The following CUX1 variants were observed in gnomAD, a reference collection of about 807,000 sequenced individuals.
CUX1 encodes cut like homeobox 1.
In CUX1, 31 loss-of-function variants were observed where a neutral mutation model predicts 158.8. That is an observed-to-expected ratio of 0.20 (90% CI 0.15 to 0.26). The LOEUF is 0.26. CUX1 is among the 10% of genes least tolerant of loss of function. The probability of loss-of-function intolerance (pLI) is 1.00; values close to 1 mark genes in which losing one functional copy is unlikely to be tolerated. For synonymous variants in CUX1, 879 were observed against 862.1 expected, an observed-to-expected ratio of 1.02 and a Z score of -0.34; for missense variants, 1,589 against 2,014.6, an observed-to-expected ratio of 0.79 and a Z score of 4.04.
intron 2 of CUX1, among the ~76,000 whole-genome samples, chr7:102,016,683 C>A (rs1818631875): frequency 6.6e-6 from 1 of 152,196 alleles, no homozygotes; most frequent in African/African-American, 2.4e-5. Context: ...TAAGTACTCC[C>A]CTGGTGTCGG....
chr7:101,824,940 A>G, intron 1 of CUX1, among the ~76,000 whole-genome samples: 1 of 152,178 alleles, frequency 6.6e-6, no homozygotes, highest in African/African-American at 2.4e-5. Flanking sequence ...TGTCACTCTG[A>G]AAGGTGTGGC....
chr7:101,992,066 T>C (rs935199081), intron 2 of CUX1, among the ~76,000 whole-genome samples: 7 of 152,244 alleles, frequency 4.6e-5, no homozygotes, highest in African/African-American at 1.7e-4. Context: ...TTTGTTTACA[T>C]GGGCCAAGTG....
chr7:101,879,379 A>G (rs1799482307), intron 1 of CUX1, among the ~76,000 whole-genome samples: 1 of 152,066 alleles, frequency 6.6e-6, no homozygotes, highest in Non-Finnish European at 1.5e-5. Context: ...ATTGCTTTGA[A>G]ATTGGAATGG....
chr7:101,880,469 C>T (rs1370336138), intron 1 of CUX1, among the ~76,000 whole-genome samples: 2 of 152,070 alleles, frequency 1.3e-5, no homozygotes, highest in South Asian at 2.1e-4. Flanking sequence ...TCAGAAATCA[C>T]GTTGGCTCCT....
At chr7:102,004,969 A>G (rs1372577198) in intron 2 of CUX1, among the ~76,000 whole-genome samples, 1 of 152,238 alleles carries the variant, frequency 6.6e-6, no homozygotes, top group Admixed American at 6.5e-5. Context: ...TTCTTAGCTC[A>G]TGGGCCATAA....
chr7:102,144,650 G>C (rs1554501472), intron 8 of CUX1, among the ~76,000 whole-genome samples: 1 of 120,650 alleles, frequency 8.3e-6, no homozygotes, highest in African/African-American at 3.4e-5. Context: ...CAGCCTGGGT[G>C]ACAAAGCAAG....
At chr7:102,187,826 CG>C (rs1554515747) in intron 11 of CUX1, among the ~76,000 whole-genome samples, 1 of 151,698 alleles carries the variant, frequency 6.6e-6, no homozygotes, top group Non-Finnish European at 1.5e-5. Context: ...TTTAAAACAT[CG>C]GGCAGGTTGG....
At chr7:102,102,943 G>C (rs1282978519) in intron 5 of CUX1, among the ~76,000 whole-genome samples, 2 of 152,062 alleles carry the variant, frequency 1.3e-5, no homozygotes, top group Admixed American at 1.3e-4. Flanking sequence ...ATCTGGAGGA[G>C]GGCGCAGGTG....
intron 2 of CUX1, among the ~76,000 whole-genome samples, chr7:101,988,708 G>A (rs764917136): frequency 5.3e-5 from 8 of 151,956 alleles, no homozygotes; most frequent in Non-Finnish European, 8.8e-5. Context: ...GTCCTGCGTC[G>A]GGATACCAGG....
chr7:102,180,668 A>T (rs1792943173), intron 11 of CUX1, among the ~76,000 whole-genome samples: 1 of 147,138 alleles, frequency 6.8e-6, no homozygotes, highest in African/African-American at 2.5e-5. Context: ...TTTCTTTTTG[A>T]CACATGACCA....
At chr7:101,817,226 G>A, upstream of CUX1, 1 of 984,716 alleles carries the variant, frequency 1.0e-6, no homozygotes, top group Non-Finnish European at 1.2e-6. This position sits in a 1 kb window ranked among gnomAD's most constrained non-coding sequence, Gnocchi z 4.1. Flanking sequence ...CCCGCCGCCG[G>A]TCCGAGCCGC....
chr7:102,111,570 G>A, intron 6 of CUX1, 128 bp from the exon 7 acceptor site: 1 of 784,472 alleles, frequency 1.3e-6, no homozygotes, highest in Non-Finnish European at 2.2e-6. Context: ...TGTCGTTGCG[G>A]GCGATACCCC....
At chr7:101,871,411 C>T (rs1342033312) in intron 1 of CUX1, among the ~76,000 whole-genome samples, 2 of 151,972 alleles carry the variant, frequency 1.3e-5, no homozygotes, top group African/African-American at 2.4e-5. Flanking sequence ...GCAGGGGGCC[C>T]TGTGTCCTGT....
At chr7:102,033,065 C>T (rs185537181) in intron 3 of CUX1, among the ~76,000 whole-genome samples, 2 of 152,256 alleles carry the variant, frequency 1.3e-5, no homozygotes, top group Admixed American at 6.5e-5. Context: ...GACAAGTGTC[C>T]TCAGGGAGGA....
chr7:102,110,686 G>A (rs1830795528), intron 6 of CUX1, among the ~76,000 whole-genome samples: 1 of 152,006 alleles, frequency 6.6e-6, no homozygotes, highest in Non-Finnish European at 1.5e-5. Flanking sequence ...TGTGTTATGT[G>A]TTTGCTTATA....
At position 101,924,466 on chromosome 7, in the gene CUX1, G is replaced by A. The variant is rs144838916; in HGVS notation, c.141+8241G>A. On this transcript the variant is annotated intron_variant, in intron 2 of 23. Coordinates refer to ENST00000292535, the MANE Select transcript of CUX1 (RefSeq NM_181552.4). ...CTGCACACCCCCCAGGACCCTGGGC[G>A]AGTCAGGTGGTGAAGTGAGGGTGAT... Among the ~76,000 whole-genome samples the A allele has an allele frequency of 1.0e-3, 157 of 152,298 alleles. 1 individual carries two copies. Among genetic ancestry groups the A allele is most frequent in the African/African-American group, 3.5e-3 (147 of 41,570 alleles).
chr7:102,282,685 C>A (rs745680030), intron 21 of CUX1: 1 of 1,609,618 alleles, frequency 6.2e-7, no homozygotes, highest in Non-Finnish European at 8.5e-7. Flanking sequence ...GGCGAACGGG[C>A]AGCTCACCGT....
At chr7:101,983,958 C>G (rs1042997883) in intron 2 of CUX1, among the ~76,000 whole-genome samples, 2 of 150,230 alleles carry the variant, frequency 1.3e-5, no homozygotes, top group African/African-American at 4.9e-5. Flanking sequence ...CGCTTGAACC[C>G]GGGAGGCAGA....
chr7:102,102,947 G>T (rs907114973), intron 5 of CUX1, among the ~76,000 whole-genome samples: 4 of 151,958 alleles, frequency 2.6e-5, no homozygotes, highest in Admixed American at 2.0e-4. Context: ...GGAGGAGGGC[G>T]CAGGTGTAGT....
Sources: allele counts gnomAD v4.1 joint callset (sites outside exome capture counted in the v4.1 genomes callset), GRCh38; gene constraint gnomAD v4.1.1; non-coding constraint Gnocchi (gnomAD v3.1); transcripts MANE v1.5; gene names NCBI Gene and HGNC (gene_info 2026-07-23, HGNC 2026-07-21).